The following ZC2HC1A variants were observed in gnomAD, a reference collection of about 807,000 sequenced individuals.
ZC2HC1A encodes the protein zinc finger C2HC domain-containing protein 1A.
Under a neutral mutation model 40.7 loss-of-function variants are expected in ZC2HC1A, and 28 were observed. The ratio of observed to expected loss-of-function variants is 0.69; its 90% confidence interval spans 0.51 to 0.94. The LOEUF is 0.94. ZC2HC1A is among the 40% of genes least tolerant of loss of function. ZC2HC1A has a pLI of 0.00. For missense variants in ZC2HC1A, 389 were observed against 386.3 expected (o/e 1.01, Z -0.06); for synonymous variants, 129 against 129.2 (o/e 1.00, Z 0.01).
In ZC2HC1A at chr8:78,666,184, AG is replaced by A; in HGVS notation, c.16+23del. On this transcript the variant is annotated intron_variant, in intron 1 of 8. Transcript: ENST00000263849. ...TGGAAGGTGAGGCGATGAAGGGATG[AG>A]GGCAGGACGGCTAGAGCGGGCCCGA... 6.4e-7 allele frequency: 1 copy of A among 1,573,044 alleles called. No individual in the cohort carries two copies. The highest frequency in any genetic ancestry group is 8.6e-7 in the Non-Finnish European group (1 of 1,159,542).
chr8:78,704,120 G>T (rs547634177), intron 7 of ZC2HC1A, among the ~76,000 whole-genome samples: 1 of 152,062 alleles, frequency 6.6e-6, no homozygotes, highest in African/African-American at 2.4e-5. Flanking sequence ...GGTGGCTCAC[G>T]CCTGTAATCC....
intron 2 of ZC2HC1A, 119 bp downstream of exon 2, chr8:78,675,982 A>G (rs1035296940): frequency 1.1e-5 from 8 of 758,886 alleles, no homozygotes; most frequent in Admixed American, 2.6e-5. Flanking sequence ...AATGGGTACT[A>G]TTCTTTGTTC....
chr8:78,709,008 G>A (rs1198736157), intron 7 of ZC2HC1A, among the ~76,000 whole-genome samples: 3 of 152,160 alleles, frequency 2.0e-5, no homozygotes, highest in African/African-American at 7.2e-5. Context: ...TAGAAATACA[G>A]TGAAACACAG....
intron 5 of ZC2HC1A, among the ~76,000 whole-genome samples, chr8:78,692,950 C>G (rs1285848356): frequency 6.6e-6 from 1 of 152,052 alleles, no homozygotes; most frequent in Non-Finnish European, 1.5e-5. Context: ...TCTCATTGTT[C>G]AATTCCCACC....
chr8:78,700,362 T>G (rs1473800245), intron 7 of ZC2HC1A, among the ~76,000 whole-genome samples: 1 of 152,184 alleles, frequency 6.6e-6, no homozygotes, highest in Non-Finnish European at 1.5e-5. Flanking sequence ...AGTTTGTTTT[T>G]TTCTTGTAAG....
At chr8:78,673,078 C>G (rs751067103) in intron 1 of ZC2HC1A, among the ~76,000 whole-genome samples, 1 of 151,994 alleles carries the variant, frequency 6.6e-6, no homozygotes, top group Admixed American at 6.6e-5. Flanking sequence ...CTCCCACCCC[C>G]TGACAGGCCC....
intron 7 of ZC2HC1A, among the ~76,000 whole-genome samples, chr8:78,714,958 C>G (rs1334658249): frequency 6.6e-6 from 1 of 151,886 alleles, no homozygotes; most frequent in African/African-American, 2.4e-5. Context: ...GAATGATTAC[C>G]TTATAAATTT....
At chr8:78,683,156 C>T (rs979416208) in intron 3 of ZC2HC1A, among the ~76,000 whole-genome samples, 2 of 151,880 alleles carry the variant, frequency 1.3e-5, no homozygotes, top group African/African-American at 2.4e-5. Context: ...TGCAACCTGT[C>T]GGTGGATCTA....
intron 7 of ZC2HC1A, among the ~76,000 whole-genome samples, chr8:78,710,583 A>G (rs765152717): frequency 3.3e-5 from 5 of 152,034 alleles, no homozygotes; most frequent in Non-Finnish European, 2.9e-5. Context: ...AATTTCAGGA[A>G]GTTTTTTCTG....
At chr8:78,699,444 T>G (rs1049066583) in intron 7 of ZC2HC1A, among the ~76,000 whole-genome samples, 3 of 152,180 alleles carry the variant, frequency 2.0e-5, no homozygotes, top group Non-Finnish European at 4.4e-5. Context: ...ATTAATGAAA[T>G]ACAGCACACA....
chr8:78,667,794 C>T (rs1398024205), intron 1 of ZC2HC1A, among the ~76,000 whole-genome samples: 1 of 152,068 alleles, frequency 6.6e-6, no homozygotes, highest in African/African-American at 2.4e-5. Context: ...CTATTGAAAC[C>T]TTACTACGAA....
chr8:78,698,038 A>G (rs750031474), intron 6 of ZC2HC1A, among the ~76,000 whole-genome samples: 20 of 152,042 alleles, frequency 1.3e-4, no homozygotes, highest in Non-Finnish European at 2.4e-4. Flanking sequence ...TATTGATGTC[A>G]TCTGTTCAGA....
At chr8:78,681,517 A>G (rs557649015) in intron 3 of ZC2HC1A, among the ~76,000 whole-genome samples, 9 of 152,308 alleles carry the variant, frequency 5.9e-5, no homozygotes, top group African/African-American at 1.9e-4. Flanking sequence ...AGAGAAGTAG[A>G]TAATGTCATT....
chr8:78,702,535 T>G (rs1810638106), intron 7 of ZC2HC1A, among the ~76,000 whole-genome samples: 1 of 152,192 alleles, frequency 6.6e-6, no homozygotes, highest in African/African-American at 2.4e-5. Context: ...GTTTTTCTAG[T>G]TCTTTTAGTT....
chr8:78,686,431 G>GTTTATTTATTTA (rs60056547), intron 3 of ZC2HC1A, 36 bp from the exon 4 acceptor site: 164 of 1,173,628 alleles, frequency 1.4e-4, no homozygotes, highest in African/African-American at 7.7e-4. Context: ...GATACTGTTT[G>GTTTATTTATTTA]TTTATTTATT....
At chr8:78,715,122 G>T in intron 7 of ZC2HC1A, 99 bp from the exon 8 acceptor site, 1 of 1,025,434 alleles carries the variant, frequency 9.8e-7, no homozygotes, top group Non-Finnish European at 1.4e-6. Context: ...GAACTTCTCT[G>T]AAGCTTCTAA....
chr8:78,707,205 A>C (rs1810800921), intron 7 of ZC2HC1A, among the ~76,000 whole-genome samples: 1 of 152,162 alleles, frequency 6.6e-6, no homozygotes, highest in South Asian at 2.1e-4. Flanking sequence ...TTATAGTTTC[A>C]CTTACAGTTG....
chr8:78,675,700 C>T (rs1809556552), intron 1 of ZC2HC1A, 87 bp from the exon 2 acceptor site: 2 of 1,208,462 alleles, frequency 1.7e-6, no homozygotes, highest in Non-Finnish European at 2.3e-6. Context: ...TGATAATTTA[C>T]CTATAAAACT....
rs368746397 is a variant in ZC2HC1A, at chr8:78,698,409, A to G, written c.605-5A>G. The G allele has an allele frequency of 7.2e-5, 115 of 1,605,322 alleles. No individual in the cohort carries two copies. The highest frequency in any genetic ancestry group is 5.0e-4 in the Middle Eastern group (3 of 6,036). ...TTGTTAAAAATAATGCTTTTTTATT[A>G]TAAGGTGTTCCTTCAGGTAAAGTGT... is the stretch of plus-strand genomic sequence containing the variant. On this transcript the variant is annotated splice_polypyrimidine_tract_variant and splice_region_variant and intron_variant, in intron 6 of 8. Transcript: ENST00000263849.
Sources: allele counts gnomAD v4.1 joint callset (sites outside exome capture counted in the v4.1 genomes callset), GRCh38; gene constraint gnomAD v4.1.1; transcripts MANE v1.5; gene names NCBI Gene and HGNC (gene_info 2026-07-23, HGNC 2026-07-21).